The following SENP6 variants were observed in gnomAD, a reference collection of about 807,000 sequenced individuals.
SENP6 encodes SUMO specific peptidase 6, also known as sentrin-specific protease 6.
Under a neutral mutation model 134.5 loss-of-function variants are expected in SENP6, and 41 were observed. The observed-to-expected ratio is 0.30, with a 90% CI of 0.24 to 0.40. SENP6 has a LOEUF of 0.40. SENP6 is among the 10% of genes least tolerant of loss of function. The pLI, the probability that SENP6 is intolerant of heterozygous loss-of-function variation, is 1.00. For synonymous variants in SENP6, 395 were observed against 429.8 expected (o/e 0.92, Z 1.00); for missense variants, 1,248 against 1,312.5 (o/e 0.95, Z 0.76).
At chr6:75,691,181 C>G (rs1054456231) in intron 16 of SENP6, among the ~76,000 whole-genome samples, 1 of 148,958 alleles carries the variant, frequency 6.7e-6, no homozygotes, top group Non-Finnish European at 1.5e-5. Flanking sequence ...CTTACTTTGT[C>G]GTTCAGGTTG....
At position 75,670,676 on chromosome 6, in the gene SENP6, A is replaced by G; in HGVS notation, c.1348A>G (p.Ile450Val). The G allele has an allele frequency of 6.2e-7, 1 of 1,613,300 alleles. No individual in the cohort carries two copies. The highest frequency in any genetic ancestry group is 1.3e-5 in the African/African-American group (1 of 75,052). The stretch of plus-strand genomic sequence containing the variant: ...CAGTGTCATTTTAAACTGTCGAAGT[A>G]TACGAGTAGGAACACTCTTCCGGCT... ...FDSVILNCRS[I>V]RVGTLFRLLI... The change falls in exon 11 of 24, where the codon ATA becomes GTA. Residue 450 changes from isoleucine (I) to valine (V), a missense_variant. Transcript: ENST00000447266.
chr6:75,623,233 G>A lies in SENP6; in HGVS notation c.147-667G>A, dbSNP rs188729571. 2.6e-5 allele frequency among the ~76,000 whole-genome samples: 4 copies of A among 152,086 alleles called. No homozygotes were observed. In the East Asian group the frequency reaches 7.7e-4, roughly 29 times the overall value. ...TACATTTTTTAAAAACTGTCTTTAC[G>A]GTGCTAGCTGTCCTGTACATTTCAT... On this transcript the variant is annotated intron_variant, in intron 2 of 23. Coordinates refer to ENST00000447266, the MANE Select transcript of SENP6 (RefSeq NM_015571.4).
At chr6:75,663,773 G>C (rs1430263095) in intron 9 of SENP6, among the ~76,000 whole-genome samples, 3 of 144,400 alleles carry the variant, frequency 2.1e-5, no homozygotes, top group Admixed American at 7.0e-5. Flanking sequence ...TAATCTTTCT[G>C]ATCTGTAAAT....
intron 11 of SENP6, among the ~76,000 whole-genome samples, chr6:75,673,147 G>A (rs2647418): frequency 0.31 from 47,609 of 151,758 alleles, 8,793 homozygotes; most frequent in Admixed American, 0.48. Context: ...ATTTAGAAGC[G>A]TCCATTTTAT....
chr6:75,617,926 GT>G (rs1029747567), intron 1 of SENP6, among the ~76,000 whole-genome samples: 18 of 152,256 alleles, frequency 1.2e-4, no homozygotes, highest in African/African-American at 4.1e-4. Flanking sequence ...TTTGTCTGAT[GT>G]TTTCTTATGA....
chr6:75,615,941 T>C (rs1204188703), intron 1 of SENP6, among the ~76,000 whole-genome samples: 1 of 152,228 alleles, frequency 6.6e-6, no homozygotes, highest in African/African-American at 2.4e-5. Context: ...TGTGCCCTCA[T>C]AGACATTTAG....
At chr6:75,656,807 T>A (rs1308045526) in intron 7 of SENP6, among the ~76,000 whole-genome samples, 1 of 152,214 alleles carries the variant, frequency 6.6e-6, no homozygotes, top group Non-Finnish European at 1.5e-5. Context: ...CAGAGCCTTA[T>A]AAATAACCTT....
At chr6:75,678,326 TAGAG>T (rs774789524) in intron 14 of SENP6, 70 of 333,928 alleles carry the variant, frequency 2.1e-4, no homozygotes, top group African/African-American at 7.7e-4. Flanking sequence ...ATGTAGATAG[TAGAG>T]AGAGAAGTAA....
intron 10 of SENP6, among the ~76,000 whole-genome samples, chr6:75,667,457 G>T (rs1056549574): frequency 2.6e-5 from 4 of 151,988 alleles, no homozygotes; most frequent in African/African-American, 7.2e-5. Context: ...ATGAACAAAG[G>T]ATAAGAATGG....
Position 75,697,293 on chromosome 6 carries a change from C to T in SENP6, c.2196-132C>T, listed in dbSNP as rs111284064. The T allele has an allele frequency of 2.8e-5, 17 of 601,254 alleles. No homozygotes were observed. The East Asian group carries it at 3.7e-4, about 13-fold the overall frequency. 37.2% of individuals were successfully genotyped at this position (601,254 alleles called of 1,614,324 possible). A position where few individuals can be genotyped will look rare whatever the true frequency, so the allele number is the denominator to read the frequency against. ...CATCCAACAAGTTCTATTTTCTTTCCCCAGTTTGTCAAACCATTTTATGCA... is the reference window on the plus strand; with the variant it reads ...CATCCAACAAGTTCTATTTTCTTTCTCCAGTTTGTCAAACCATTTTATGCA... On this transcript the variant is annotated intron_variant, in intron 17 of 23. Coordinates refer to ENST00000447266, the MANE Select transcript of SENP6 (RefSeq NM_015571.4).
chr6:75,699,317 A>G (rs1774865746), intron 18 of SENP6, among the ~76,000 whole-genome samples: 1 of 149,520 alleles, frequency 6.7e-6, no homozygotes, highest in African/African-American at 2.5e-5. Context: ...AGATTAAAAA[A>G]TAGCCTATAA....
intron 16 of SENP6, among the ~76,000 whole-genome samples, chr6:75,685,662 C>T (rs1266981194): frequency 6.6e-6 from 1 of 152,140 alleles, no homozygotes. Flanking sequence ...ATTTACCCGT[C>T]ATTCAGGAGC....
chr6:75,613,198 G>C (rs1013750195), intron 1 of SENP6, among the ~76,000 whole-genome samples: 3 of 152,000 alleles, frequency 2.0e-5, no homozygotes, highest in African/African-American at 7.3e-5. Context: ...GCTCAGAATG[G>C]CTTTTATATT....
intron 16 of SENP6, among the ~76,000 whole-genome samples, chr6:75,691,784 C>T (rs567804023): frequency 1.3e-4 from 19 of 151,628 alleles, no homozygotes; most frequent in African/African-American, 3.6e-4. Context: ...TTAGTAGAGA[C>T]GGGGTTTCAC....
At chr6:75,668,483 T>A (rs766375742) in intron 10 of SENP6, among the ~76,000 whole-genome samples, 2 of 152,130 alleles carry the variant, frequency 1.3e-5, no homozygotes, top group Admixed American at 6.6e-5. Context: ...GGAAAGGAAA[T>A]GAATAGAATT....
chr6:75,642,346 G>A (rs1770093766), intron 6 of SENP6, among the ~76,000 whole-genome samples: 1 of 152,218 alleles, frequency 6.6e-6, no homozygotes, highest in Admixed American at 6.5e-5. Context: ...TGATGTGATA[G>A]ACTGACAGTA....
At chr6:75,691,144 T>A (rs12173950) in intron 16 of SENP6, among the ~76,000 whole-genome samples, 45,985 of 134,556 alleles carry the variant, frequency 0.34, 7,528 homozygotes, top group African/African-American at 0.56. Context: ...CCAGCTAAAA[T>A]TTTTTTTTTT....
intron 16 of SENP6, among the ~76,000 whole-genome samples, chr6:75,695,364 C>T (rs1774587101): frequency 6.6e-6 from 1 of 152,204 alleles, no homozygotes; most frequent in South Asian, 2.1e-4. Context: ...AGTTATCAAA[C>T]TTTGCTAATA....
chr6:75,654,684 A>G (rs1771173856), intron 7 of SENP6, among the ~76,000 whole-genome samples: 1 of 152,238 alleles, frequency 6.6e-6, no homozygotes, highest in South Asian at 2.1e-4. Flanking sequence ...TTATAAAGAT[A>G]ACAGTTTGTA....
Sources: allele counts gnomAD v4.1 joint callset (sites outside exome capture counted in the v4.1 genomes callset), GRCh38; gene constraint gnomAD v4.1.1; transcripts MANE v1.5; gene names NCBI Gene and HGNC (gene_info 2026-07-23, HGNC 2026-07-21).